The following CHD9NB variants were observed in gnomAD, a reference collection of about 807,000 sequenced individuals.
The protein encoded by CHD9NB is CHD9 neighbor protein.
the CHD9NB span, among the ~76,000 whole-genome samples, chr16:53,040,765 A>G: frequency 2.6e-5 from 4 of 152,238 alleles, no homozygotes; most frequent in African/African-American, 7.2e-5. Flanking sequence ...GAATGAATCA[A>G]TTGGTTAAAA....
the CHD9NB span, among the ~76,000 whole-genome samples, chr16:53,044,723 A>G: frequency 6.6e-6 from 1 of 152,168 alleles, no homozygotes; most frequent in South Asian, 2.1e-4. Context: ...GCTGGGTACT[A>G]CTACTCTGTG....
At chr16:53,039,954 C>A in the CHD9NB span, among the ~76,000 whole-genome samples, 1 of 152,182 alleles carries the variant, frequency 6.6e-6, no homozygotes, top group East Asian at 1.9e-4. Flanking sequence ...AGGATACTAA[C>A]CAGTCAAAAG....
At chr16:53,039,649 G>A in the CHD9NB span, among the ~76,000 whole-genome samples, 2 of 152,064 alleles carry the variant, frequency 1.3e-5, no homozygotes, top group African/African-American at 4.8e-5. Context: ...GGAGGCTGAG[G>A]CAGAAGAATC....
the CHD9NB span, among the ~76,000 whole-genome samples, chr16:53,044,915 C>T: frequency 6.6e-6 from 1 of 152,088 alleles, no homozygotes; most frequent in African/African-American, 2.4e-5. Flanking sequence ...GCCTTCCAAC[C>T]TCTTATATTT....
the CHD9NB span, among the ~76,000 whole-genome samples, chr16:53,050,338 C>T: frequency 0.28 from 41,868 of 151,884 alleles, 7,160 homozygotes; most frequent in Non-Finnish European, 0.38. Context: ...GAGATTCTGT[C>T]TCTACCAAAA....
the CHD9NB span, among the ~76,000 whole-genome samples, chr16:53,046,391 C>CT: frequency 6.6e-6 from 1 of 151,882 alleles, no homozygotes; most frequent in Admixed American, 6.6e-5. Flanking sequence ...GAAAACTTGG[C>CT]TTGCAGCTGG....
chr16:53,044,701 T>C, the CHD9NB span, among the ~76,000 whole-genome samples: 7 of 141,764 alleles, frequency 4.9e-5, no homozygotes, highest in Non-Finnish European at 1.1e-4. Context: ...TTAAAATAAC[T>C]AGCTAATAGA....
At chr16:53,051,357 G>A in the CHD9NB span, among the ~76,000 whole-genome samples, 1 of 152,004 alleles carries the variant, frequency 6.6e-6, no homozygotes, top group Non-Finnish European at 1.5e-5. Flanking sequence ...AAGCAAAAGG[G>A]ATAAAAATGA....
the CHD9NB span, among the ~76,000 whole-genome samples, chr16:53,038,571 G>A: frequency 1.3e-5 from 2 of 152,066 alleles, no homozygotes; most frequent in Admixed American, 6.6e-5. Flanking sequence ...GGCTGGTCTC[G>A]AACTCCAGAC....
At chr16:53,042,778 G>A in the CHD9NB span, 4 of 152,240 alleles carry the variant, frequency 2.6e-5, no homozygotes, top group East Asian at 1.9e-4. Flanking sequence ...TCATGAGAAA[G>A]GCTCTCTGCT....
the CHD9NB span, chr16:53,044,238 C>T: frequency 2.0e-5 from 8 of 397,994 alleles, no homozygotes; most frequent in Admixed American, 1.3e-4. Flanking sequence ...TGGGGGCCAG[C>T]GTTAAATAAC....
At chr16:53,038,731 G>A in the CHD9NB span, among the ~76,000 whole-genome samples, 6 of 152,096 alleles carry the variant, frequency 3.9e-5, no homozygotes, top group Non-Finnish European at 8.8e-5. Flanking sequence ...AGAGAGATTG[G>A]GCTTAATTCA....
At chr16:53,051,782 TATATA>T in the CHD9NB span, among the ~76,000 whole-genome samples, 1 of 36,386 alleles carries the variant, frequency 2.7e-5, no homozygotes, top group Non-Finnish European at 1.2e-4. Flanking sequence ...TATATATATA[TATATA>T]TATATATATA....
At chr16:53,046,488 C>T in the CHD9NB span, among the ~76,000 whole-genome samples, 1 of 147,624 alleles carries the variant, frequency 6.8e-6, no homozygotes, top group African/African-American at 2.5e-5. Context: ...ACCGGCCTGG[C>T]AACATGGTAA....
the CHD9NB span, among the ~76,000 whole-genome samples, chr16:53,039,155 C>A: frequency 2.0e-5 from 3 of 152,200 alleles, no homozygotes; most frequent in African/African-American, 7.2e-5. Flanking sequence ...TTACTCAGAT[C>A]TCTCTGAAAA....
the CHD9NB span, chr16:53,044,305 A>C: frequency 7.6e-6 from 3 of 396,800 alleles, no homozygotes; most frequent in Non-Finnish European, 1.3e-5. Context: ...CCACAAGGAG[A>C]CGCCCCGCTG....
At chr16:53,051,785 A>G in the CHD9NB span, among the ~76,000 whole-genome samples, 1 of 43,820 alleles carries the variant, frequency 2.3e-5, no homozygotes. Context: ...ATATATATAT[A>G]TATATATATA....
chr16:53,044,815 CA>C, the CHD9NB span, among the ~76,000 whole-genome samples: 1 of 152,230 alleles, frequency 6.6e-6, no homozygotes, highest in African/African-American at 2.4e-5. Flanking sequence ...CACATGGAGA[CA>C]CTGAGGCACA....
chr16:53,041,537 C>G, the CHD9NB span, among the ~76,000 whole-genome samples: 1 of 152,122 alleles, frequency 6.6e-6, no homozygotes, highest in Non-Finnish European at 1.5e-5. Context: ...ACAAACCACC[C>G]TGGTTCTGAA....
Sources: allele counts gnomAD v4.1 joint callset (sites outside exome capture counted in the v4.1 genomes callset), GRCh38; gene constraint gnomAD v4.1.1; transcripts MANE v1.5; gene names NCBI Gene and HGNC (gene_info 2026-07-23, HGNC 2026-07-21).